The following CDC14A variants were observed in gnomAD, a reference collection of about 807,000 sequenced individuals.
The protein encoded by CDC14A is dual specificity protein phosphatase CDC14A.
CDC14A carries 53 observed loss-of-function variants against 74.4 expected under a neutral mutation model. That is an observed-to-expected ratio of 0.71 (90% CI 0.57 to 0.89). CDC14A has a LOEUF of 0.89. Ranked by LOEUF, CDC14A falls within the 40% of genes least tolerant of loss-of-function variation. The pLI is 0.00. For missense variants in CDC14A, 646 were observed against 713.7 expected, an observed-to-expected ratio of 0.91 and a Z score of 1.08; for synonymous variants, 247 against 258.4, an observed-to-expected ratio of 0.96 and a Z score of 0.43.
chr1:100,455,522 C>A lies in CDC14A; in HGVS notation c.607+30C>A, dbSNP rs28364873. ...GTTTTTTTTTCCTTTACCATCCAAA[C>A]ATTTATTTTGATTTATCTTTCTAAG... On this transcript the variant is annotated intron_variant, in intron 8 of 15. Transcript: ENST00000336454. 3,208 of 1,206,198 alleles carry A rather than the reference C, an allele frequency of 2.7e-3. 67 individuals are homozygous for A. The African/African-American group carries it at 0.045, about 17-fold the overall frequency. The allele number at this position is 1,206,198 out of a possible 1,614,324, so 74.7% of individuals were successfully genotyped here. A position where few individuals can be genotyped will look rare whatever the true frequency, so the allele number is the denominator to read the frequency against.
intron 4 of CDC14A, among the ~76,000 whole-genome samples, chr1:100,421,869 G>A (rs1163583740): frequency 6.6e-6 from 1 of 152,070 alleles, no homozygotes; most frequent in African/African-American, 2.4e-5. Flanking sequence ...TTTTTAATAA[G>A]CAGACATGTC....
At chr1:100,421,640 G>A (rs1457521447) in intron 4 of CDC14A, among the ~76,000 whole-genome samples, 1 of 152,202 alleles carries the variant, frequency 6.6e-6, no homozygotes, top group Non-Finnish European at 1.5e-5. Context: ...GAACTTGGAA[G>A]AGTGGAAACC....
intron 8 of CDC14A, among the ~76,000 whole-genome samples, chr1:100,456,202 A>G (rs371359126): frequency 2.0e-5 from 3 of 152,252 alleles, no homozygotes; most frequent in Non-Finnish European, 2.9e-5. Context: ...ATTTATTGCC[A>G]TGGGCATACA....
At chr1:100,484,207 A>G in intron 10 of CDC14A, 85 bp from the exon 11 acceptor site, 1 of 663,706 alleles carries the variant, frequency 1.5e-6, no homozygotes, top group Non-Finnish European at 2.3e-6. Flanking sequence ...TTTCCTTTAT[A>G]AGACATCATA....
chr1:100,352,761 CT>C lies in CDC14A; in HGVS notation c.-193del. On this transcript the variant is annotated 5_prime_UTR_variant, in exon 1 of 16. The change creates a premature stop within an existing upstream ORF in the 5' untranslated region. Coordinates refer to ENST00000336454, the MANE Select transcript of CDC14A (RefSeq NM_003672.4). ...CCGCGCGGAGCGAGCTCGGGTTCCC[CT>C]CGGAATGTCCCCGGGGCGCCCGGCG... 1 of 1,412,516 alleles carries C rather than the reference CT, an allele frequency of 7.1e-7. No individual in the cohort carries two copies. The highest frequency in any genetic ancestry group is 9.2e-7 in the Non-Finnish European group (1 of 1,089,466). The allele number at this position is 1,412,516 out of a possible 1,614,324, so 87.5% of individuals were successfully genotyped here.
intron 4 of CDC14A, chr1:100,391,095 C>T (rs1383059498): frequency 6.9e-6 from 3 of 432,468 alleles, no homozygotes; most frequent in Non-Finnish European, 1.3e-5. Flanking sequence ...AAAAAGAATA[C>T]CTACCAAGGA....
chr1:100,364,310 C>T (rs1444069643), intron 2 of CDC14A, among the ~76,000 whole-genome samples: 2 of 151,656 alleles, frequency 1.3e-5, no homozygotes, highest in African/African-American at 2.4e-5. Flanking sequence ...CAGGTTCAAG[C>T]GATTCTCTTG....
At chr1:100,353,894 T>A (rs764372253) in intron 2 of CDC14A, 42 bp downstream of exon 2, 4 of 1,170,472 alleles carry the variant, frequency 3.4e-6, no homozygotes, top group Non-Finnish European at 5.0e-6. Context: ...GCCATTCAGC[T>A]TGTTCTTTGA....
At chr1:100,381,601 A>T (rs1250501204) in intron 3 of CDC14A, among the ~76,000 whole-genome samples, 1 of 152,108 alleles carries the variant, frequency 6.6e-6, no homozygotes, top group African/African-American at 2.4e-5. Context: ...AAATGAGAAG[A>T]TGTTTTTTTC....
At chr1:100,393,661 C>G in intron 4 of CDC14A, 1 of 544,998 alleles carries the variant, frequency 1.8e-6, no homozygotes. Flanking sequence ...AAATATGGAT[C>G]AAGTGGTCAA....
intron 7 of CDC14A, among the ~76,000 whole-genome samples, chr1:100,444,147 A>G (rs1395231872): frequency 2.0e-5 from 3 of 152,202 alleles, no homozygotes; most frequent in Non-Finnish European, 4.4e-5. Context: ...ACCCAGCCTC[A>G]AGGCTAGAAA....
rs28364882 is a variant in CDC14A, at chr1:100,462,216, C to T, written c.608-435C>T. 2.6e-3 allele frequency among the ~76,000 whole-genome samples: 395 copies of T among 152,240 alleles called. 3 individuals carry two copies. The highest frequency in any genetic ancestry group is 9.3e-3 in the African/African-American group (385 of 41,508). ...ATAATTGCTTCTGGGGAGCATTGTA[C>T]TACAAATTAAAACTATACATATGGC... is the stretch of plus-strand genomic sequence containing the variant. On this transcript the variant is annotated intron_variant, in intron 8 of 15. Transcript: ENST00000336454.
At chr1:100,492,447 A>G (rs574387787) in intron 11 of CDC14A, among the ~76,000 whole-genome samples, 125 of 152,226 alleles carry the variant, frequency 8.2e-4, no homozygotes, top group African/African-American at 2.8e-3. Flanking sequence ...TTTTTAATTG[A>G]TCAATTTTGG....
intron 2 of CDC14A, among the ~76,000 whole-genome samples, chr1:100,370,584 T>C (rs534607735): frequency 6.6e-6 from 1 of 152,318 alleles, no homozygotes; most frequent in East Asian, 1.9e-4. Context: ...TCCCTAGTGC[T>C]ATTTCTGTTG....
At position 100,499,056 on chromosome 1, in the gene CDC14A, T is replaced by C. The variant is rs139919028; in HGVS notation, c.1549T>C (p.Leu517=). ...CACAGCCAGCCCGTTTACCAACCTC[T>C]TGAATGGCAGCTCCCAGCCAACTAC... ...GFTASPFTNL[L]NGSSQPTTRN... is the part of the protein sequence containing the mutation. Residue 517 remains leucine (L), a synonymous_variant, in exon 15 of 16, where the codon TTG becomes CTG. Transcript: ENST00000336454. 5 of 1,614,150 alleles carry C rather than the reference T, an allele frequency of 3.1e-6. No homozygotes were observed. The African/African-American group carries it at 5.3e-5, about 17-fold the overall frequency.
chr1:100,351,621 G>A (rs146107424), upstream of CDC14A: 875 of 754,750 alleles, frequency 1.2e-3, 1 homozygote, highest in African/African-American at 0.014. Context: ...TCTCTCTCCT[G>A]TTCCCTCCGC....
intron 10 of CDC14A, among the ~76,000 whole-genome samples, chr1:100,473,834 T>C (rs1327692145): frequency 3.9e-5 from 6 of 152,166 alleles, no homozygotes; most frequent in Non-Finnish European, 7.3e-5. Context: ...TCTATATACC[T>C]TGTGTTTCCT....
chr1:100,409,747 T>G (rs111792690), intron 4 of CDC14A, among the ~76,000 whole-genome samples: 2 of 152,226 alleles, frequency 1.3e-5, no homozygotes, highest in African/African-American at 4.8e-5. Context: ...GCTTTCAATT[T>G]GAAATCAACT....
chr1:100,471,671 A>T (rs985767946), intron 10 of CDC14A, among the ~76,000 whole-genome samples: 1 of 152,178 alleles, frequency 6.6e-6, no homozygotes, highest in Non-Finnish European at 1.5e-5. Flanking sequence ...ATAGAATATA[A>T]AGTGCAGAAA....
Sources: allele counts gnomAD v4.1 joint callset (sites outside exome capture counted in the v4.1 genomes callset), GRCh38; gene constraint gnomAD v4.1.1; transcripts MANE v1.5; gene names NCBI Gene and HGNC (gene_info 2026-07-23, HGNC 2026-07-21).